NLRP12: variants seen among roughly 807,000 people sequenced by gnomAD.
NLRP12 encodes the protein NLR family pyrin domain containing 12.
Under a neutral mutation model 91.2 loss-of-function variants are expected in NLRP12, and 108 were observed. That is an observed-to-expected ratio of 1.18 (90% CI 1.01 to 1.39). The LOEUF is 1.39. Ranked by LOEUF, NLRP12 falls within the 40% of genes most tolerant of loss-of-function variation. The pLI, the probability that NLRP12 is intolerant of heterozygous loss-of-function variation, is 0.00. For synonymous variants in NLRP12, 613 were observed against 566.7 expected, an observed-to-expected ratio of 1.08 and a Z score of -1.16; for missense variants, 1,530 against 1,352.7, an observed-to-expected ratio of 1.13 and a Z score of -2.06.
Position 53,814,944 on chromosome 19 carries a change from ATGTTGAC to A in NLRP12, c.327_333del (p.Gln109HisfsTer37). 4.3e-6 allele frequency: 7 copies of A among 1,614,130 alleles called. No homozygotes were observed. Among genetic ancestry groups the A allele is most frequent in the Non-Finnish European group, 5.9e-6 (7 of 1,180,002 alleles). On this transcript the variant is annotated frameshift_variant, in exon 2 of 10. Coordinates refer to ENST00000324134, the MANE Select transcript of NLRP12 (RefSeq NM_144687.4). LOFTEE classifies it high-confidence loss of function. ...GTGACAAGAGAGACTTCCAGAAGGCATGTTGACTGGTTCCCAAGTGAGGACGGGCCAC... is the reference window on the plus strand; with the variant it reads ...GTGACAAGAGAGACTTCCAGAAGGCATGGTTCCCAAGTGAGGACGGGCCAC...
At chr19:53,818,477 C>T (rs1437121761) in intron 1 of NLRP12, among the ~76,000 whole-genome samples, 1 of 151,820 alleles carries the variant, frequency 6.6e-6, no homozygotes, top group Non-Finnish European at 1.5e-5. Context: ...ACCATCCTGG[C>T]TAATATGGTG....
At chr19:53,802,205 C>T (rs569006672) in intron 6 of NLRP12, among the ~76,000 whole-genome samples, 8 of 151,966 alleles carry the variant, frequency 5.3e-5, no homozygotes, top group South Asian at 4.2e-4. Flanking sequence ...CCAGCCTGGG[C>T]AACAAGAGTG....
chr19:53,798,308 T>C lies in NLRP12; in HGVS notation c.2862A>G (p.Gly954=), dbSNP rs1323475816. The C allele has an allele frequency of 6.2e-7, 1 of 1,613,970 alleles. No individual in the cohort carries two copies. The highest frequency in any genetic ancestry group is 1.3e-5 in the African/African-American group (1 of 74,898). ...RELDLSFNDL[G]DWGLWLLAEG... is the part of the protein sequence containing the mutation. Reference sequence around the variant, plus strand: ...CAGCCAGCAACCACAGGCCCCAGTCTCCCAGGTCGTTGAAACTCAAGTCCA... The same window carrying C: ...CAGCCAGCAACCACAGGCCCCAGTCCCCCAGGTCGTTGAAACTCAAGTCCA... Residue 954 remains glycine, a synonymous_variant, in exon 8 of 10, where the codon GGA becomes GGG. Coordinates refer to ENST00000324134, the MANE Select transcript of NLRP12 (RefSeq NM_144687.4).
intron 2 of NLRP12, 87 bp downstream of exon 2, chr19:53,814,821 A>T: frequency 9.6e-7 from 1 of 1,039,470 alleles, no homozygotes; most frequent in Non-Finnish European, 1.5e-6. Flanking sequence ...CGAATTCCTC[A>T]ATCACGCGTT....
intron 1 of NLRP12, among the ~76,000 whole-genome samples, chr19:53,823,519 C>T (rs374272272): frequency 0.011 from 417 of 39,236 alleles, 13 homozygotes; most frequent in African/African-American, 0.024. Context: ...ATATTTAAAA[C>T]ATATATTTTA....
chr19:53,814,760 T>C (rs967905027), intron 2 of NLRP12, 148 bp downstream of exon 2: 1 of 726,798 alleles, frequency 1.4e-6, no homozygotes. Context: ...GGTTGATGAG[T>C]TGAAACACAG....
Position 53,810,915 on chromosome 19 carries a change from G to T in NLRP12, c.744C>A (p.Phe248Leu). 1 of 1,614,124 alleles carries T rather than the reference G, an allele frequency of 6.2e-7. No individual in the cohort carries two copies. The highest frequency in any genetic ancestry group is 8.5e-7 in the Non-Finnish European group (1 of 1,180,028). The change falls in exon 3 of 10, where the codon TTC becomes TTA. Residue 248 changes from phenylalanine (F) to leucine (L), a missense_variant. By Grantham distance (22) the Phe-to-Leu change is conservative. Transcript: ENST00000324134. Reference sequence around the variant, plus strand: ...GGTTCATCTCCCTGCAGTTGATGTAGAAGAGATAATCAAATCTGCCTTGGA... The same window carrying T: ...GGTTCATCTCCCTGCAGTTGATGTATAAGAGATAATCAAATCTGCCTTGGA... ...KLFQGRFDYL[F>L]YINCREMNQS... is the part of the protein sequence containing the mutation.
At chr19:53,822,631 G>A (rs980817656) in intron 1 of NLRP12, among the ~76,000 whole-genome samples, 3 of 151,636 alleles carry the variant, frequency 2.0e-5, no homozygotes, top group East Asian at 2.0e-4. Context: ...TCAGCTACTC[G>A]GGATGCTGAG....
intron 4 of NLRP12, 60 bp from the exon 5 acceptor site, chr19:53,805,510 ATTTTC>A (rs2091944715): frequency 1.4e-6 from 2 of 1,412,352 alleles, no homozygotes; most frequent in Non-Finnish European, 9.5e-7. Context: ...TTTGTGGATT[ATTTTC>A]TTTTGCTTTT....
In NLRP12 at chr19:53,819,601, A is replaced by ATACG; in HGVS notation, c.289+4284_289+4285insCGTA. 4.5e-5 allele frequency among the ~76,000 whole-genome samples: 2 copies of ATACG among 44,398 alleles called. 1 individual carries two copies. The highest frequency in any genetic ancestry group is 1.9e-4 in the African/African-American group (2 of 10,780). The allele number at this position is 44,398 out of a possible 152,430, so 29.1% of individuals were successfully genotyped here. On this transcript the variant is annotated intron_variant, in intron 1 of 9. Coordinates refer to ENST00000324134, the MANE Select transcript of NLRP12 (RefSeq NM_144687.4). ...TATATGTATGTATACGTATATACGC[A>ATACG]TATATATGTATGTATACGTATATAC...
At chr19:53,820,024 C>T (rs995218597) in intron 1 of NLRP12, among the ~76,000 whole-genome samples, 1 of 152,016 alleles carries the variant, frequency 6.6e-6, no homozygotes, top group Non-Finnish European at 1.5e-5. Context: ...TCATTAACGA[C>T]GAGTCATTAA....
intron 8 of NLRP12, 54 bp from the exon 9 acceptor site, chr19:53,796,083 C>G: frequency 6.5e-7 from 1 of 1,549,806 alleles, no homozygotes; most frequent in Non-Finnish European, 8.9e-7. Context: ...TTATGTTATT[C>G]GGAGGCAGTG....
chr19:53,817,463 C>T (rs552447022), intron 1 of NLRP12, among the ~76,000 whole-genome samples: 21 of 150,984 alleles, frequency 1.4e-4, no homozygotes, highest in African/African-American at 3.4e-4. Context: ...AGGCTGGGCG[C>T]GGTGGCTCAT....
rs769487323 is a variant in NLRP12 at position 53,795,996 on chromosome 19, ACAAGCC to A, written c.2955_2960del (p.Lys985_Cys987delinsAsn). On this transcript the variant is annotated inframe_deletion, in exon 9 of 10. Transcript: ENST00000324134. ...TCCCCAGGGTGAAGTAAAGATTCTCACAAGCCTTGGCTGTGAGGCCACAGCTATCCA... is the reference window on the plus strand; with the variant it reads ...TCCCCAGGGTGAAGTAAAGATTCTCATTGGCTGTGAGGCCACAGCTATCCA... 6.2e-7 allele frequency: 1 copy of A among 1,610,686 alleles called. No individual in the cohort carries two copies. The highest frequency in any genetic ancestry group is 8.5e-7 in the Non-Finnish European group (1 of 1,177,032).
chr19:53,808,198 C>T, intron 3 of NLRP12: 1 of 223,682 alleles, frequency 4.5e-6, no homozygotes, highest in Admixed American at 5.2e-5. Context: ...GCTGGGGCTA[C>T]AGGTGTGCAC....
In NLRP12 at chr19:53,802,686, G is replaced by A. The variant is rs192303977; in HGVS notation, c.2585+1266C>T. Among the ~76,000 whole-genome samples, 1,009 of 150,752 alleles carry A rather than the reference G, an allele frequency of 6.7e-3. 5 individuals carry two copies. The highest frequency in any genetic ancestry group is 0.011 in the Non-Finnish European group (773 of 67,762). On this transcript the variant is annotated intron_variant, in intron 6 of 9. Coordinates refer to ENST00000324134, the MANE Select transcript of NLRP12 (RefSeq NM_144687.4). ...CACACCACTGCACTCCAGCCTGGGC[G>A]ACAGAGCAAGACTCTGTCTCAAAAA... is the stretch of plus-strand genomic sequence containing the variant.
intron 1 of NLRP12, among the ~76,000 whole-genome samples, chr19:53,817,974 G>T (rs962496388): frequency 2.0e-5 from 3 of 151,618 alleles, no homozygotes; most frequent in Non-Finnish European, 2.9e-5. Flanking sequence ...GTAGAGACAG[G>T]GTTTCACCAT....
At chr19:53,819,255 T>G (rs2092209939) in intron 1 of NLRP12, among the ~76,000 whole-genome samples, 2 of 151,406 alleles carry the variant, frequency 1.3e-5, no homozygotes, top group Non-Finnish European at 2.9e-5. Flanking sequence ...CTTTCTTTTC[T>G]TTTTTTGAGA....
chr19:53,823,705 C>T (rs950280298), intron 1 of NLRP12, among the ~76,000 whole-genome samples, 181 bp downstream of exon 1: 1 of 151,528 alleles, frequency 6.6e-6, no homozygotes, highest in Non-Finnish European at 1.5e-5. Flanking sequence ...TATACCACCA[C>T]ACCTGGCTAA....
Sources: allele counts gnomAD v4.1 joint callset (sites outside exome capture counted in the v4.1 genomes callset), GRCh38; gene constraint gnomAD v4.1.1; transcripts MANE v1.5; gene names NCBI Gene and HGNC (gene_info 2026-07-23, HGNC 2026-07-21).